KIAA1549: variants seen among roughly 807,000 people sequenced by gnomAD.
KIAA1549 encodes KIAA1549, also known as UPF0606 protein KIAA1549.
In KIAA1549, 70 loss-of-function variants were observed where a neutral mutation model predicts 156.4. The observed-to-expected ratio is 0.45, with a 90% CI of 0.37 to 0.55. KIAA1549 has a LOEUF of 0.55. Among genes scored for constraint, KIAA1549 ranks in the 20% least tolerant of loss-of-function variants. KIAA1549 has a pLI of 0.00. For missense variants in KIAA1549, 2,428 were observed against 2,540.9 expected (o/e 0.96, Z 0.96); for synonymous variants, 1,103 against 1,066.4 (o/e 1.03, Z -0.67).
At chr7:138,925,319 T>C (rs941341937) in intron 1 of KIAA1549, among the ~76,000 whole-genome samples, 6 of 152,076 alleles carry the variant, frequency 3.9e-5, no homozygotes, top group African/African-American at 1.4e-4. Context: ...AATCATGGAA[T>C]CATGTACTTT....
chr7:138,942,604 C>A (rs1399409937), intron 1 of KIAA1549, among the ~76,000 whole-genome samples: 1 of 151,854 alleles, frequency 6.6e-6, no homozygotes, highest in East Asian at 1.9e-4. Context: ...TACATGCGCT[C>A]CCTTACCCGC....
At position 138,861,239 on chromosome 7, in the gene KIAA1549, G is replaced by A. The variant is rs1403403392; in HGVS notation, c.5147C>T (p.Pro1716Leu). 1.2e-6 allele frequency: 2 copies of A among 1,612,224 alleles called. No homozygotes were observed. The highest frequency in any genetic ancestry group is 2.7e-5 in the African/African-American group (2 of 74,824). ...AGGGGTGCTGTTTGCGGGCAGGCCG[G>A]GTGGGACTCCGGGGCCTACACCTGC... The part of the protein sequence containing the change: ...STAGVGPGVP[P>L]GLPANSTPSQ... Residue 1716 changes from proline (P) to leucine (L), a missense_variant, in exon 16 of 20, where the codon CCC becomes CTC. Pro to Leu is a moderately conservative substitution (Grantham distance 98). Coordinates refer to ENST00000422774, the MANE Select transcript of KIAA1549 (RefSeq NM_001164665.2).
At chr7:138,973,163 A>G (rs1407213084) in intron 1 of KIAA1549, among the ~76,000 whole-genome samples, 1 of 152,146 alleles carries the variant, frequency 6.6e-6, no homozygotes, top group Non-Finnish European at 1.5e-5. Context: ...CTACAAACAC[A>G]ATCAAGTCTA....
chr7:138,943,712 A>G (rs1331752840), intron 1 of KIAA1549, among the ~76,000 whole-genome samples: 6 of 151,970 alleles, frequency 3.9e-5, no homozygotes, highest in Admixed American at 2.6e-4. Flanking sequence ...AGCCGGGTGT[A>G]GTGGCGGGCA....
chr7:138,958,902 A>T lies in KIAA1549; in HGVS notation c.187+22181T>A, dbSNP rs568069559. 3.5e-3 allele frequency among the ~76,000 whole-genome samples: 535 copies of T among 150,866 alleles called. 4 individuals carry two copies. Among genetic ancestry groups the T allele is most frequent in the African/African-American group, 0.01 (419 of 40,970 alleles). On this transcript the variant is annotated intron_variant, in intron 1 of 19. Transcript: ENST00000422774. ...CAAAGGTTTTTTTTTTGTTTTGTTT[A>T]GTTTGTTTCGTTTTTGAGATAGAGT...
At chr7:138,911,351 T>A in intron 3 of KIAA1549, 28 bp from the exon 4 acceptor site, 1 of 1,494,514 alleles carries the variant, frequency 6.7e-7, no homozygotes, top group Non-Finnish European at 9.0e-7. Context: ...ACAAAGACAA[T>A]TCAAACTTAA....
intron 10 of KIAA1549, among the ~76,000 whole-genome samples, chr7:138,886,706 C>T (rs1584731304): frequency 6.6e-6 from 1 of 152,122 alleles, no homozygotes; most frequent in Admixed American, 6.6e-5. Context: ...AAACAAAAGG[C>T]AAAAGCTGAC....
chr7:138,839,589 G>A (rs972231343), intron 19 of KIAA1549, among the ~76,000 whole-genome samples: 8 of 151,946 alleles, frequency 5.3e-5, no homozygotes, highest in Non-Finnish European at 7.4e-5. Flanking sequence ...CTATAGATTC[G>A]AATTTACTAC....
At chr7:138,898,664 AAGT>A (rs1447610737) in intron 9 of KIAA1549, among the ~76,000 whole-genome samples, 1 of 152,238 alleles carries the variant, frequency 6.6e-6, no homozygotes, top group Non-Finnish European at 1.5e-5. Context: ...TTTATAAAAA[AAGT>A]AGTAGTACAG....
intron 17 of KIAA1549, among the ~76,000 whole-genome samples, chr7:138,846,533 CAAAAA>C (rs1213246866): frequency 8.3e-5 from 5 of 60,006 alleles, no homozygotes; most frequent in Non-Finnish European, 1.5e-4. Flanking sequence ...GACTCCATCT[CAAAAA>C]AAAAAAAAAA....
intron 1 of KIAA1549, among the ~76,000 whole-genome samples, chr7:138,943,528 T>C (rs1342042666): frequency 6.6e-6 from 1 of 152,232 alleles, no homozygotes; most frequent in African/African-American, 2.4e-5. Context: ...ATATACATTG[T>C]GGCATGGCTA....
At chr7:138,908,901 G>A in intron 5 of KIAA1549, 90 bp downstream of exon 5, 2 of 1,502,980 alleles carry the variant, frequency 1.3e-6, no homozygotes, top group Non-Finnish European at 1.8e-6. Context: ...CCACTGGAGG[G>A]AATAAGAGTT....
At chr7:138,976,843 C>G (rs1171358812) in intron 1 of KIAA1549, among the ~76,000 whole-genome samples, 1 of 152,208 alleles carries the variant, frequency 6.6e-6, no homozygotes, top group Non-Finnish European at 1.5e-5. Flanking sequence ...AATGAAGATT[C>G]CCAGGCACTG....
At chr7:138,977,170 A>ATGTAAAATTT (rs1434690099) in intron 1 of KIAA1549, among the ~76,000 whole-genome samples, 1 of 152,246 alleles carries the variant, frequency 6.6e-6, no homozygotes, top group African/African-American at 2.4e-5. Context: ...TTTCAAAATT[A>ATGTAAAATTT]TGTAAAATTT....
rs776454539 is a variant in KIAA1549, at chr7:138,871,371, G to A, written c.4346-9C>T. On this transcript the variant is annotated splice_polypyrimidine_tract_variant and intron_variant, in intron 12 of 19. Coordinates refer to ENST00000422774, the MANE Select transcript of KIAA1549 (RefSeq NM_001164665.2). ...ACTGGGCAGTGGTGGCCCTGGAACA[G>A]AAGGAAAAGCAAAACACATACACGA... is the stretch of plus-strand genomic sequence containing the variant. The A allele has an allele frequency of 1.3e-6, 2 of 1,504,104 alleles. No individual in the cohort carries two copies. Among genetic ancestry groups the A allele is most frequent in the Non-Finnish European group, 1.8e-6 (2 of 1,128,216 alleles). The allele number at this position is 1,504,104 out of a possible 1,614,324, so 93.2% of individuals were successfully genotyped here. A position where few individuals can be genotyped will look rare whatever the true frequency, so the allele number is the denominator to read the frequency against.
intron 1 of KIAA1549, among the ~76,000 whole-genome samples, chr7:138,978,240 G>A (rs895302299): frequency 1.3e-5 from 2 of 152,138 alleles, no homozygotes; most frequent in African/African-American, 4.8e-5. Context: ...CAGGCTGTGA[G>A]ATTATGGGTG....
intron 16 of KIAA1549, 130 bp downstream of exon 16, chr7:138,861,009 G>C: frequency 1.2e-6 from 1 of 830,448 alleles, no homozygotes; most frequent in Non-Finnish European, 1.9e-6. Context: ...TAAAAACTAA[G>C]ACCCATCACC....
Position 138,917,868 on chromosome 7 carries a change from C to A in KIAA1549, c.1758G>T (p.Pro586=). 1 of 1,604,490 alleles carries A rather than the reference C, an allele frequency of 6.2e-7. No individual in the cohort carries two copies. Among genetic ancestry groups the A allele is most frequent in the Non-Finnish European group, 8.5e-7 (1 of 1,175,506 alleles). Residue 586 remains proline, a synonymous_variant, in exon 2 of 20, where the codon CCG becomes CCT. Transcript: ENST00000422774. ...KNTPSLAVRD[P]SVFTPYSLVP... The stretch of plus-strand genomic sequence containing the variant: ...CCAGACTATAAGGCGTAAAAACACT[C>A]GGGTCTCTGACGGCAAGCGACGGTG...
At chr7:138,840,738 C>A (rs1809891721) in intron 18 of KIAA1549, among the ~76,000 whole-genome samples, 1 of 152,174 alleles carries the variant, frequency 6.6e-6, no homozygotes, top group Non-Finnish European at 1.5e-5. Context: ...CGCACTTCTA[C>A]CAGCCCATCA....
Sources: allele counts gnomAD v4.1 joint callset (sites outside exome capture counted in the v4.1 genomes callset), GRCh38; gene constraint gnomAD v4.1.1; transcripts MANE v1.5; gene names NCBI Gene and HGNC (gene_info 2026-07-23, HGNC 2026-07-21).